DENND5B: variants seen among roughly 807,000 people sequenced by gnomAD.
DENND5B encodes the protein DENN domain-containing protein 5B.
DENND5B carries 34 observed loss-of-function variants against 140.6 expected under a neutral mutation model. The ratio of observed to expected loss-of-function variants is 0.24; its 90% CI spans 0.18 to 0.32. DENND5B has a LOEUF of 0.32. DENND5B is among the 10% of genes least tolerant of loss of function. DENND5B has a pLI of 1.00. For missense variants in DENND5B, 1,142 were observed against 1,560.2 expected (o/e 0.73, Z 4.52); for synonymous variants, 551 against 562.1 (o/e 0.98, Z 0.28).
Position 31,460,263 on chromosome 12 carries a change from A to G in DENND5B, c.1023T>C (p.Pro341=), listed in dbSNP as rs200313879. Residue 341 remains proline (P), a synonymous_variant, in exon 4 of 21, where the codon CCT becomes CCC. Transcript: ENST00000389082. ...PASLLHFLDA[P]VPYLMGLQSK... ...ACTGAAGGCCCATCAGATAAGGGAC[A>G]GGAGCATCAAGAAAATGTAGCAGAG... 3 of 1,613,974 alleles carry G rather than the reference A, an allele frequency of 1.9e-6. No homozygotes were observed. The highest frequency in any genetic ancestry group is 2.7e-5 in the African/African-American group (2 of 75,064).
intron 4 of DENND5B, among the ~76,000 whole-genome samples, chr12:31,459,027 A>T (rs962268190): frequency 6.6e-6 from 1 of 152,036 alleles, no homozygotes; most frequent in Non-Finnish European, 1.5e-5. Flanking sequence ...AGCCTGACCA[A>T]CATGAAGAAA....
rs184031746 is a variant in DENND5B at position 31,402,149 on chromosome 12, A to G, written c.2949+349T>C. ...TGCCAAAGGATGACCAGGTTTGGGCAGAAAACATTTTACAGTAGGGAGGAG... is the reference window on the plus strand; with the variant it reads ...TGCCAAAGGATGACCAGGTTTGGGCGGAAAACATTTTACAGTAGGGAGGAG... On this transcript the variant is annotated intron_variant, in intron 15 of 20. Transcript: ENST00000389082. Among the ~76,000 whole-genome samples the G allele has an allele frequency of 1.7e-3, 264 of 152,054 alleles. 3 individuals are homozygous for G. Among genetic ancestry groups the G allele is most frequent in the African/African-American group, 6.1e-3 (255 of 41,488 alleles).
chr12:31,509,234 G>C lies in DENND5B; in HGVS notation c.128-13315C>G, dbSNP rs558314067. Among the ~76,000 whole-genome samples the C allele has an allele frequency of 3.3e-5, 5 of 152,162 alleles. No individual in the cohort carries two copies. In the South Asian group the frequency reaches 1.0e-3, roughly 32 times the overall value. The stretch of plus-strand genomic sequence containing the variant: ...TCAACATCAACGTTTACACAACCAA[G>C]CTCATTTTTCCCCTCAAAGCTTTTC... On this transcript the variant is annotated intron_variant, in intron 1 of 20. Transcript: ENST00000389082.
chr12:31,385,342 T>C lies in DENND5B; in HGVS notation c.*2261A>G, dbSNP rs186123960. The C allele has an allele frequency of 7.2e-5, 11 of 152,202 alleles. No homozygotes were observed. In the East Asian group the frequency reaches 2.1e-3, roughly 29 times the overall value. The allele number at this position is 152,202 out of a possible 1,614,324, so 9.4% of individuals were successfully genotyped here. On this transcript the variant is annotated 3_prime_UTR_variant, in exon 21 of 21. Transcript: ENST00000389082. Reference sequence around the variant, plus strand: ...AACCAGCTGTGGGGTAAGTGTAAGATTTAATCTCTCTATTCCTTAAGTGTT... The same window carrying C: ...AACCAGCTGTGGGGTAAGTGTAAGACTTAATCTCTCTATTCCTTAAGTGTT...
intron 1 of DENND5B, among the ~76,000 whole-genome samples, chr12:31,501,465 A>G (rs1404108083): frequency 6.6e-6 from 1 of 152,210 alleles, no homozygotes; most frequent in Non-Finnish European, 1.5e-5. Flanking sequence ...AAGAATATTA[A>G]GTAAAAACTA....
chr12:31,416,778 C>T (rs1357995056), intron 11 of DENND5B, among the ~76,000 whole-genome samples: 2 of 151,538 alleles, frequency 1.3e-5, no homozygotes, highest in Non-Finnish European at 2.9e-5. Context: ...AGGAGGATTA[C>T]TTGAGCCCAG....
chr12:31,425,893 G>A (rs554489205), intron 9 of DENND5B, among the ~76,000 whole-genome samples: 2 of 152,168 alleles, frequency 1.3e-5, no homozygotes, highest in South Asian at 2.1e-4. Flanking sequence ...CACAGCTAAG[G>A]TATTTTTCCT....
At chr12:31,505,142 C>T (rs1178121442) in intron 1 of DENND5B, among the ~76,000 whole-genome samples, 1 of 152,028 alleles carries the variant, frequency 6.6e-6, no homozygotes, top group Non-Finnish European at 1.5e-5. Flanking sequence ...AATACTAACC[C>T]CTGACTATAT....
chr12:31,387,586 G>T lies in DENND5B; in HGVS notation c.*17C>A. ...GGAAGGAGCAAGGTTTGGACTGAGA[G>T]TTTCTAGCCAGTTGGGTTACACATC... On this transcript the variant is annotated 3_prime_UTR_variant, in exon 21 of 21. Coordinates refer to ENST00000389082, the MANE Select transcript of DENND5B (RefSeq NM_144973.4). The T allele has an allele frequency of 1.2e-6, 2 of 1,608,872 alleles. No individual in the cohort carries two copies. The highest frequency in any genetic ancestry group is 1.7e-6 in the Non-Finnish European group (2 of 1,176,018).
intron 3 of DENND5B, among the ~76,000 whole-genome samples, chr12:31,468,692 C>T (rs1023692540): frequency 2.0e-5 from 3 of 151,906 alleles, no homozygotes; most frequent in Non-Finnish European, 4.4e-5. Flanking sequence ...ACACCTGTAG[C>T]TCCAGCTACG....
At position 31,555,933 on chromosome 12, in the gene DENND5B, C is replaced by A. The variant is rs983245178; in HGVS notation, c.127+34773G>T. Among the ~76,000 whole-genome samples, 3 of 152,180 alleles carry A rather than the reference C, an allele frequency of 2.0e-5. No homozygotes were observed. The South Asian group carries it at 6.2e-4, about 32-fold the overall frequency. ...GCACAATATTAGGGTGGGAGTGAGC[C>A]GATTTTCCAGGTGCCCTCTGTCACT... On this transcript the variant is annotated intron_variant, in intron 1 of 20. Coordinates refer to ENST00000389082, the MANE Select transcript of DENND5B (RefSeq NM_144973.4).
chr12:31,496,487 T>C (rs1946765534), intron 1 of DENND5B, among the ~76,000 whole-genome samples: 1 of 152,152 alleles, frequency 6.6e-6, no homozygotes, highest in South Asian at 2.1e-4. Context: ...ATACTAACCT[T>C]TTAAAATAAA....
At chr12:31,549,944 C>T (rs1470558851) in intron 1 of DENND5B, among the ~76,000 whole-genome samples, 1 of 152,014 alleles carries the variant, frequency 6.6e-6, no homozygotes, top group South Asian at 2.1e-4. Context: ...ATCTTTGTAA[C>T]AGGATGATTT....
chr12:31,495,583 T>C (rs1186887795), intron 2 of DENND5B, among the ~76,000 whole-genome samples: 1 of 152,056 alleles, frequency 6.6e-6, no homozygotes, highest in African/African-American at 2.4e-5. Context: ...TTCACTATGT[T>C]GGTCAGGCTG....
At position 31,389,443 on chromosome 12, in the gene DENND5B, A is replaced by G. The variant is rs1307919984; in HGVS notation, c.3522T>C (p.Asp1174=). The G allele has an allele frequency of 3.7e-6, 6 of 1,606,100 alleles. No individual in the cohort carries two copies. The highest frequency in any genetic ancestry group is 5.1e-6 in the Non-Finnish European group (6 of 1,175,952). ...TGCAGGATGATTTCTGAATAAGGAC[A>G]TCATCTTCATTATCTAGAATCTGGT... ...TTDQILDNED[D]VLIQKSSCKT... Residue 1174 remains aspartate (D), a synonymous_variant, in exon 20 of 21, where the codon GAT becomes GAC. Transcript: ENST00000389082.
chr12:31,496,010 T>C, intron 1 of DENND5B, 91 bp from the exon 2 acceptor site: 1 of 856,584 alleles, frequency 1.2e-6, no homozygotes, highest in Non-Finnish European at 1.7e-6. Context: ...TACTGACTGA[T>C]AATGTTGAGA....
intron 1 of DENND5B, among the ~76,000 whole-genome samples, chr12:31,547,675 G>A (rs1036008888): frequency 6.6e-5 from 10 of 152,120 alleles, no homozygotes; most frequent in African/African-American, 2.2e-4. Context: ...GATTACAGGC[G>A]TAAACCACTG....
At chr12:31,465,514 C>A (rs573734422) in intron 3 of DENND5B, 5 of 152,418 alleles carry the variant, frequency 3.3e-5, no homozygotes, top group African/African-American at 9.6e-5. Flanking sequence ...ATTACAGGTG[C>A]ACACCACCAT....
At chr12:31,543,020 A>C (rs1565679820) in intron 1 of DENND5B, among the ~76,000 whole-genome samples, 1 of 152,110 alleles carries the variant, frequency 6.6e-6, no homozygotes, top group Non-Finnish European at 1.5e-5. Context: ...TTGGTAGACA[A>C]CACTTAAATC....
Sources: allele counts gnomAD v4.1 joint callset (sites outside exome capture counted in the v4.1 genomes callset), GRCh38; gene constraint gnomAD v4.1.1; transcripts MANE v1.5; gene names NCBI Gene and HGNC (gene_info 2026-07-23, HGNC 2026-07-21).